VAV2: variants seen among roughly 807,000 people sequenced by gnomAD.
VAV2 encodes vav guanine nucleotide exchange factor 2, also known as guanine nucleotide exchange factor VAV2.
Under a neutral mutation model 132.5 loss-of-function variants are expected in VAV2, and 67 were observed. The observed-to-expected ratio is 0.51, with a 90% CI of 0.42 to 0.62. The LOEUF is 0.62. VAV2 is among the 20% of genes least tolerant of loss of function. The probability of loss-of-function intolerance (pLI) is 0.00; values close to 1 mark genes in which losing one functional copy is unlikely to be tolerated. For synonymous variants in VAV2, 492 were observed against 443.5 expected, an observed-to-expected ratio of 1.11 and a Z score of -1.37; for missense variants, 938 against 1,153.6, an observed-to-expected ratio of 0.81 and a Z score of 2.71.
chr9:133,780,603 G>A, intron 20 of VAV2, 91 bp downstream of exon 20: 1 of 1,277,686 alleles, frequency 7.8e-7, no homozygotes, highest in Non-Finnish European at 1.0e-6. Flanking sequence ...CATGAGTGGT[G>A]AAAGGCAGAC....
At chr9:133,801,744 T>C (rs1564361240) in intron 9 of VAV2, among the ~76,000 whole-genome samples, 1 of 152,080 alleles carries the variant, frequency 6.6e-6, no homozygotes, top group Non-Finnish European at 1.5e-5. Context: ...CTGACTCCAA[T>C]GAGAGTGGCC....
At chr9:133,895,206 G>C (rs1839149399) in intron 2 of VAV2, among the ~76,000 whole-genome samples, 1 of 152,060 alleles carries the variant, frequency 6.6e-6, no homozygotes, top group South Asian at 2.1e-4. Context: ...CAAGGGCTGG[G>C]CTCTATGGAG....
intron 4 of VAV2, among the ~76,000 whole-genome samples, chr9:133,814,053 G>T (rs2131709081): frequency 6.6e-6 from 1 of 152,290 alleles, no homozygotes; most frequent in South Asian, 2.1e-4. Context: ...GTGTCGCTCA[G>T]CCGTGCGGGA....
chr9:133,956,454 T>C (rs1841783338), intron 1 of VAV2, among the ~76,000 whole-genome samples: 1 of 152,204 alleles, frequency 6.6e-6, no homozygotes, highest in South Asian at 2.1e-4. Context: ...TTGTTTCTTC[T>C]TTTGCTTTGT....
Position 133,802,323 on chromosome 9 carries a change from T to TACACACACACACAC in VAV2, c.836+3744_836+3757dup, listed in dbSNP as rs58155949. ...GCACACAAACACACAAGCACGCGTG[T>TACACACACACACAC]ACACACACACACACACACACACACA... On this transcript the variant is annotated intron_variant, in intron 9 of 29. Coordinates refer to ENST00000371850, the MANE Select transcript of VAV2 (RefSeq NM_001134398.2). The surrounding 1 kb of genome is among the most constrained non-coding windows in gnomAD (Gnocchi z 5.8). Among the ~76,000 whole-genome samples, 2,311 of 142,154 alleles carry TACACACACACACAC rather than the reference T, an allele frequency of 0.016. 34 individuals are homozygous for TACACACACACACAC. Among genetic ancestry groups the TACACACACACACAC allele is most frequent in the South Asian group, 0.047 (191 of 4,056 alleles). The allele number at this position is 142,154 out of a possible 152,430, so 93.3% of individuals were successfully genotyped here. A position where few individuals can be genotyped will look rare whatever the true frequency, so the allele number is the denominator to read the frequency against.
chr9:133,796,413 G>C lies in VAV2; in HGVS notation c.1032+16C>G, dbSNP rs548803829. ...GCAGTGATGACCCCGCAGGCACCCG[G>C]GGCCCAGAGCCTCACCTTCAAGAGC... is the stretch of plus-strand genomic sequence containing the variant. On this transcript the variant is annotated intron_variant, in intron 11 of 29. Coordinates refer to ENST00000371850, the MANE Select transcript of VAV2 (RefSeq NM_001134398.2). The C allele has an allele frequency of 1.2e-6, 2 of 1,610,292 alleles. No individual in the cohort carries two copies. The highest frequency in any genetic ancestry group is 1.3e-5 in the African/African-American group (1 of 74,992).
chr9:133,963,827 C>A (rs1842039657), intron 1 of VAV2, among the ~76,000 whole-genome samples: 1 of 151,772 alleles, frequency 6.6e-6, no homozygotes, highest in Non-Finnish European at 1.5e-5. Flanking sequence ...AAAACTATGT[C>A]ATCTTGGAAT....
chr9:133,774,864 A>C, intron 25 of VAV2, 71 bp downstream of exon 25: 2 of 1,362,420 alleles, frequency 1.5e-6, no homozygotes, highest in Non-Finnish European at 2.0e-6. Flanking sequence ...CAGGACGTGG[A>C]GAGGATGGTG....
chr9:133,795,001 G>A (rs543098001), intron 12 of VAV2, among the ~76,000 whole-genome samples: 83 of 152,330 alleles, frequency 5.4e-4, no homozygotes, highest in Admixed American at 1.5e-3. Flanking sequence ...GCCAACACCC[G>A]GAGCCGGGGA....
At position 133,794,604 on chromosome 9, in the gene VAV2, A is replaced by G. The variant is rs1834632502; in HGVS notation, c.1101+1064T>C. On this transcript the variant is annotated intron_variant, in intron 12 of 29. Transcript: ENST00000371850. The surrounding 1 kb of genome is among the most constrained non-coding windows in gnomAD (Gnocchi z 4.6). ...GAAAGGAAAAGGGGGCCCAAAGCCC[A>G]GGGGGGCTGCCCAGAGGGCAGGGGC... Among the ~76,000 whole-genome samples, 1 of 152,150 alleles carries G rather than the reference A, an allele frequency of 6.6e-6. No individual in the cohort carries two copies. The highest frequency in any genetic ancestry group is 6.5e-5 in the Admixed American group (1 of 15,288).
At chr9:133,960,576 C>A (rs1841934453) in intron 1 of VAV2, among the ~76,000 whole-genome samples, 1 of 152,238 alleles carries the variant, frequency 6.6e-6, no homozygotes, top group African/African-American at 2.4e-5. Flanking sequence ...GCCAGGGGAT[C>A]AAGGACTTAT....
intron 2 of VAV2, among the ~76,000 whole-genome samples, chr9:133,937,776 C>G (rs956619367): frequency 1.3e-5 from 2 of 152,220 alleles, no homozygotes; most frequent in African/African-American, 4.8e-5. Flanking sequence ...AGCCCCTGGA[C>G]AGCAGGACCC....
intron 2 of VAV2, among the ~76,000 whole-genome samples, chr9:133,872,190 C>T (rs1052205533): frequency 3.6e-5 from 4 of 110,024 alleles, no homozygotes; most frequent in African/African-American, 1.8e-4. Flanking sequence ...GTATGTGAAC[C>T]AGGGCGTCAG....
intron 9 of VAV2, among the ~76,000 whole-genome samples, chr9:133,805,132 C>T (rs144903329): frequency 9.7e-4 from 147 of 152,234 alleles, no homozygotes; most frequent in African/African-American, 3.4e-3. Context: ...GGCCACCTGG[C>T]GGGTGATGCA....
At chr9:133,937,575 C>T (rs1840973226) in intron 2 of VAV2, among the ~76,000 whole-genome samples, 1 of 151,842 alleles carries the variant, frequency 6.6e-6, no homozygotes, top group Non-Finnish European at 1.5e-5. Flanking sequence ...AGGACCTTCA[C>T]TAAGTCCAGA....
rs1564416171 is a variant in VAV2, at chr9:133,863,834, A to C, written c.322-2402T>G. Reference sequence around the variant, plus strand: ...CAGGGCAGGGGCTGCTGGAGCAGACACCGGACCCCTGAGATAGCCATGGGG... The same window carrying C: ...CAGGGCAGGGGCTGCTGGAGCAGACCCCGGACCCCTGAGATAGCCATGGGG... On this transcript the variant is annotated intron_variant, in intron 2 of 29. Coordinates refer to ENST00000371850, the MANE Select transcript of VAV2 (RefSeq NM_001134398.2). The surrounding 1 kb of genome is among the most constrained non-coding windows in gnomAD (Gnocchi z 5.0). Among the ~76,000 whole-genome samples, 1 of 152,076 alleles carries C rather than the reference A, an allele frequency of 6.6e-6. No individual in the cohort carries two copies. Among genetic ancestry groups the C allele is most frequent in the Non-Finnish European group, 1.5e-5 (1 of 67,990 alleles).
intron 2 of VAV2, among the ~76,000 whole-genome samples, chr9:133,915,736 G>A (rs1588364350): frequency 1.5e-5 from 2 of 134,418 alleles, no homozygotes; most frequent in South Asian, 2.4e-4. Flanking sequence ...TACACACAAC[G>A]CACACATACA....
chr9:133,950,461 A>G (rs1841520874), intron 1 of VAV2, among the ~76,000 whole-genome samples: 1 of 152,134 alleles, frequency 6.6e-6, no homozygotes, highest in Non-Finnish European at 1.5e-5. Flanking sequence ...GCTCCCCTGA[A>G]GCCCTCCAAG....
In VAV2 at chr9:133,770,636, T is replaced by G. The variant is rs918898636; in HGVS notation, c.2224-135A>C. 31 of 1,351,332 alleles carry G rather than the reference T, an allele frequency of 2.3e-5. 1 individual carries two copies. The highest frequency in any genetic ancestry group is 2.9e-5 in the African/African-American group (2 of 68,452). The allele number at this position is 1,351,332 out of a possible 1,614,324, so 83.7% of individuals were successfully genotyped here. On this transcript the variant is annotated intron_variant, in intron 26 of 29. Coordinates refer to ENST00000371850, the MANE Select transcript of VAV2 (RefSeq NM_001134398.2). ...CCTGGACTCCTCAGAACTCCCCACA[T>G]CCCGCCAGCCCATGGTGGGTGGTCA...
Sources: gnomAD v4.1 joint callset for allele counts (sites outside exome capture counted in the v4.1 genomes callset) on GRCh38, gnomAD v4.1.1 for gene constraint, Gnocchi (gnomAD v3.1) non-coding constraint, MANE v1.5 for transcripts, NCBI Gene and HGNC (gene_info 2026-07-23, HGNC 2026-07-21) for gene names.